The following G2E3 variants were observed in gnomAD, a reference collection of about 807,000 sequenced individuals.
The protein encoded by G2E3 is G2/M-phase specific E3 ubiquitin protein ligase, also known as G2/M phase-specific E3 ubiquitin-protein ligase.
G2E3 carries 35 observed loss-of-function variants against 92.8 expected under a neutral mutation model. The ratio of observed to expected loss-of-function variants is 0.38; its 90% confidence interval spans 0.29 to 0.50. The LOEUF is 0.50. Among genes scored for constraint, G2E3 ranks in the 20% least tolerant of loss-of-function variants. The pLI is 0.94. For synonymous variants in G2E3, 242 were observed against 272.4 expected (o/e 0.89, Z 1.10); for missense variants, 554 against 823.8 (o/e 0.67, Z 4.01).
intron 5 of G2E3, among the ~76,000 whole-genome samples, chr14:30,593,110 C>T (rs569536367): frequency 9.2e-5 from 14 of 152,192 alleles, no homozygotes; most frequent in Non-Finnish European, 8.8e-5. Context: ...ATTTTTTAGG[C>T]GTAAGTTCCT....
rs1459956351 is a variant in G2E3, at chr14:30,618,328, GT to G, written c.*1799del. On this transcript the variant is annotated 3_prime_UTR_variant, in exon 15 of 15. Transcript: ENST00000206595. ...ATATAAACCCCAAAGTCACCATACA[GT>G]TTTTATTCCAAATATGTTGATAAAA... 6.6e-6 allele frequency: 1 copy of G among 152,038 alleles called. No individual in the cohort carries two copies. The highest frequency in any genetic ancestry group is 1.5e-5 in the Non-Finnish European group (1 of 67,950). The allele number at this position is 152,038 out of a possible 1,614,324, so 9.4% of individuals were successfully genotyped here.
At chr14:30,605,295 G>C (rs938939466) in intron 10 of G2E3, among the ~76,000 whole-genome samples, 2 of 152,086 alleles carry the variant, frequency 1.3e-5, no homozygotes, top group Non-Finnish European at 2.9e-5. Flanking sequence ...TAAAAGATTG[G>C]GGTGAGGAAT....
chr14:30,606,255 A>G (rs532193251), intron 11 of G2E3, among the ~76,000 whole-genome samples: 4 of 151,898 alleles, frequency 2.6e-5, no homozygotes, highest in Non-Finnish European at 4.4e-5. Flanking sequence ...TTTTTGCACA[A>G]TTATGTATAT....
chr14:30,616,160 T>G (rs112058886), intron 14 of G2E3, 118 bp from the exon 15 acceptor site: 1 of 683,382 alleles, frequency 1.5e-6, no homozygotes, highest in Non-Finnish European at 2.5e-6. Flanking sequence ...AAAACAAATG[T>G]GGGAGTCTGT....
intron 11 of G2E3, among the ~76,000 whole-genome samples, chr14:30,606,813 T>G (rs2138899019): frequency 6.6e-6 from 1 of 152,290 alleles, no homozygotes; most frequent in Middle Eastern, 3.4e-3. Context: ...TTACTTGTTT[T>G]GGCACATCAA....
chr14:30,568,133 T>C (rs1879547566), intron 1 of G2E3, among the ~76,000 whole-genome samples: 1 of 152,266 alleles, frequency 6.6e-6, no homozygotes, highest in East Asian at 1.9e-4. Context: ...CATGTCTTCT[T>C]GATGGATTGA....
chr14:30,592,234 C>T, intron 4 of G2E3, 89 bp from the exon 5 acceptor site: 1 of 1,129,598 alleles, frequency 8.9e-7, no homozygotes, highest in Non-Finnish European at 1.3e-6. Flanking sequence ...TTTTCAGATT[C>T]CCCACCAGGA....
chr14:30,568,049 C>A (rs1879543193), intron 1 of G2E3, among the ~76,000 whole-genome samples: 1 of 152,002 alleles, frequency 6.6e-6, no homozygotes, highest in Non-Finnish European at 1.5e-5. Flanking sequence ...TAAACTATTT[C>A]TCCTTTCATT....
chr14:30,561,782 G>A (rs889355925), intron 1 of G2E3, among the ~76,000 whole-genome samples: 1 of 151,644 alleles, frequency 6.6e-6, no homozygotes, highest in Non-Finnish European at 1.5e-5. Flanking sequence ...TGTATGTTCA[G>A]TGAGTACTTA....
chr14:30,595,034 A>T (rs748078171), intron 6 of G2E3, among the ~76,000 whole-genome samples: 1 of 151,630 alleles, frequency 6.6e-6, no homozygotes, highest in Non-Finnish European at 1.5e-5. Context: ...GCTACTTAGG[A>T]GGCGGAGGCA....
intron 3 of G2E3, among the ~76,000 whole-genome samples, chr14:30,588,235 T>C (rs138252954): frequency 6.6e-6 from 1 of 152,292 alleles, no homozygotes; most frequent in East Asian, 1.9e-4. Context: ...AGGATTATTT[T>C]ACTTTTCTAT....
chr14:30,559,329 T>C (rs1878945613), intron 1 of G2E3, 57 bp downstream of exon 1: 1 of 152,248 alleles, frequency 6.6e-6, no homozygotes, highest in South Asian at 2.1e-4. Flanking sequence ...AGCAGGACCG[T>C]GGGGTGGGAG....
At chr14:30,581,870 T>G (rs538789039) in intron 2 of G2E3, among the ~76,000 whole-genome samples, 1 of 152,322 alleles carries the variant, frequency 6.6e-6, no homozygotes, top group South Asian at 2.1e-4. Flanking sequence ...TATGAGGAAT[T>G]TAAATGATTA....
At chr14:30,571,503 A>C (rs1879759836) in intron 1 of G2E3, among the ~76,000 whole-genome samples, 1 of 152,030 alleles carries the variant, frequency 6.6e-6, no homozygotes, top group African/African-American at 2.4e-5. Flanking sequence ...GTTTCCTAAG[A>C]AATCTTTGCC....
chr14:30,609,654 A>AG lies in G2E3; in HGVS notation c.1500+1586dup, dbSNP rs200307535. On this transcript the variant is annotated intron_variant, in intron 12 of 14. Transcript: ENST00000206595. ...GCCCCCGGACTTTTATATACAGATA[A>AG]GACCTGGGTCTTGCTAGCACATTGA... 3.3e-5 allele frequency among the ~76,000 whole-genome samples: 5 copies of AG among 152,328 alleles called. No homozygotes were observed. The East Asian group carries it at 9.6e-4, about 29-fold the overall frequency.
At position 30,616,628 on chromosome 14, in the gene G2E3, C is replaced by G; in HGVS notation, c.*94C>G. The G allele has an allele frequency of 2.3e-6, 2 of 881,292 alleles. No individual in the cohort carries two copies. The highest frequency in any genetic ancestry group is 3.6e-6 in the Non-Finnish European group (2 of 562,160). 54.6% of individuals were successfully genotyped at this position (881,292 alleles called of 1,614,324 possible). A position where few individuals can be genotyped will look rare whatever the true frequency, so the allele number is the denominator to read the frequency against. The stretch of plus-strand genomic sequence containing the variant: ...CCTTTTCATCATCACTTTGAACAAA[C>G]TAGTTAGCTTCTTGACCTAATAAAA... On this transcript the variant is annotated 3_prime_UTR_variant, in exon 15 of 15. Coordinates refer to ENST00000206595, the MANE Select transcript of G2E3 (RefSeq NM_017769.5).
intron 1 of G2E3, among the ~76,000 whole-genome samples, chr14:30,571,635 A>C (rs1275885178): frequency 6.6e-6 from 1 of 151,992 alleles, no homozygotes; most frequent in African/African-American, 2.4e-5. Flanking sequence ...CCTCCGCCCA[A>C]AGCATTCAGT....
At chr14:30,577,117 C>T (rs917512232) in intron 1 of G2E3, among the ~76,000 whole-genome samples, 5 of 147,124 alleles carry the variant, frequency 3.4e-5, no homozygotes, top group African/African-American at 5.1e-5. Flanking sequence ...CCCAGCTACT[C>T]GGGAGGCTGA....
At chr14:30,569,315 TCTC>T (rs1879620569) in intron 1 of G2E3, among the ~76,000 whole-genome samples, 1 of 152,112 alleles carries the variant, frequency 6.6e-6, no homozygotes, top group Admixed American at 6.6e-5. Context: ...TCGAATTACT[TCTC>T]CTGCTTTGCA....
Sources: gnomAD v4.1 joint callset for allele counts (sites outside exome capture counted in the v4.1 genomes callset) on GRCh38, gnomAD v4.1.1 for gene constraint, MANE v1.5 for transcripts, NCBI Gene and HGNC (gene_info 2026-07-23, HGNC 2026-07-21) for gene names.